MYDGF: variants seen among roughly 807,000 people sequenced by gnomAD.
The protein encoded by MYDGF is myeloid derived growth factor.
In MYDGF, 29 loss-of-function variants were observed where a neutral mutation model predicts 24.2. The ratio of observed to expected loss-of-function variants is 1.20; its 90% confidence interval spans 0.89 to 1.63. MYDGF has a LOEUF of 1.63. MYDGF is among the 40% of genes most tolerant of loss of function. The pLI is 0.00. For missense variants in MYDGF, 245 were observed against 234.8 expected, an observed-to-expected ratio of 1.04 and a Z score of -0.29; for synonymous variants, 105 against 102.5, an observed-to-expected ratio of 1.02 and a Z score of -0.15.
At chr19:4,663,030 C>T (rs1344603095) in intron 3 of MYDGF, among the ~76,000 whole-genome samples, 1 of 151,816 alleles carries the variant, frequency 6.6e-6, no homozygotes, top group Non-Finnish European at 1.5e-5. Flanking sequence ...TCCCCTCCCA[C>T]TCCGTCCTCA....
rs1291135735 is a variant in MYDGF at position 4,658,062 on chromosome 19, G to A, written c.465C>T (p.Phe155=). The change falls in exon 6 of 6, where the codon TTC becomes TTT. Residue 155 remains phenylalanine, a synonymous_variant. Transcript: ENST00000262947. Reference sequence around the variant, plus strand: ...TCACCAGCTTGGACAGCTCAGCTTTGAATGCCCCGGGCCTGTGAGCCACTG... The same window carrying A: ...TCACCAGCTTGGACAGCTCAGCTTTAAATGCCCCGGGCCTGTGAGCCACTG... ...KTAVAHRPGA[F]KAELSKLVIV... 1.9e-6 allele frequency: 3 copies of A among 1,611,360 alleles called. No individual in the cohort carries two copies. Among genetic ancestry groups the A allele is most frequent in the Non-Finnish European group, 2.5e-6 (3 of 1,179,270 alleles).
chr19:4,661,000 C>A (rs2088466451), intron 3 of MYDGF, among the ~76,000 whole-genome samples: 1 of 141,486 alleles, frequency 7.1e-6, no homozygotes, highest in African/African-American at 2.6e-5. Flanking sequence ...ACGAGTCTCA[C>A]TCTGTTGCCC....
intron 3 of MYDGF, among the ~76,000 whole-genome samples, chr19:4,663,973 T>C (rs928696309): frequency 2.0e-5 from 3 of 151,408 alleles, no homozygotes; most frequent in Non-Finnish European, 2.9e-5. Context: ...CAGGGAGCCC[T>C]CTGGAATAGG....
intron 2 of MYDGF, among the ~76,000 whole-genome samples, chr19:4,666,786 C>T (rs897924975): frequency 2.6e-5 from 4 of 152,036 alleles, no homozygotes; most frequent in African/African-American, 9.7e-5. Flanking sequence ...TCTAGGAGGC[C>T]GGGCACCGGT....
At position 4,664,866 on chromosome 19, in the gene MYDGF, C is replaced by T. The variant is rs371202568; in HGVS notation, c.287+10G>A. 190 of 1,611,898 alleles carry T rather than the reference C, an allele frequency of 1.2e-4. No individual in the cohort carries two copies. The African/African-American group carries it at 2.2e-3, about 18-fold the overall frequency. ...GCAGCCGGAAATGCCATCCCCACCCCGAGTCTCACCTCCAGATGGTGCAGG... is the reference window on the plus strand; with the variant it reads ...GCAGCCGGAAATGCCATCCCCACCCTGAGTCTCACCTCCAGATGGTGCAGG... On this transcript the variant is annotated intron_variant, in intron 3 of 5. Coordinates refer to ENST00000262947, the MANE Select transcript of MYDGF (RefSeq NM_019107.4).
chr19:4,662,627 G>A (rs907117253), intron 3 of MYDGF, among the ~76,000 whole-genome samples: 1 of 152,122 alleles, frequency 6.6e-6, no homozygotes, highest in African/African-American at 2.4e-5. Context: ...CCAGATGCAT[G>A]TGTGTTCGGG....
intron 5 of MYDGF, among the ~76,000 whole-genome samples, chr19:4,659,374 C>T (rs983705458): frequency 6.6e-6 from 1 of 152,092 alleles, no homozygotes; most frequent in Non-Finnish European, 1.5e-5. Flanking sequence ...CAGGTGCGCA[C>T]CACCACGCCT....
In MYDGF at chr19:4,659,706, T is replaced by C. The variant is rs991822023; in HGVS notation, c.442+225A>G. On this transcript the variant is annotated intron_variant, in intron 5 of 5. Transcript: ENST00000262947. ...ACACAGCCACACCCACGCATGGACA[T>C]ACTGTCTGCAGCAGCTTTGTGCCAC... 5.1e-6 allele frequency: 3 copies of C among 588,840 alleles called. No individual in the cohort carries two copies. The African/African-American group carries it at 5.6e-5, about 11-fold the overall frequency. The allele number at this position is 588,840 out of a possible 1,614,324, so 36.5% of individuals were successfully genotyped here. A position where few individuals can be genotyped will look rare whatever the true frequency, so the allele number is the denominator to read the frequency against.
In MYDGF at chr19:4,660,668, C is replaced by T. The variant is rs148566021; in HGVS notation, c.369+1G>A. On this transcript the variant is annotated splice_donor_variant, in intron 4 of 5. Coordinates refer to ENST00000262947, the MANE Select transcript of MYDGF (RefSeq NM_019107.4). LOFTEE classifies it high-confidence loss of function. ...AGCCTGCCCCACTCCAAGATACTCACGTAGGCCATGGCGTACTCAATCTCA... is the reference window on the plus strand; with the variant it reads ...AGCCTGCCCCACTCCAAGATACTCATGTAGGCCATGGCGTACTCAATCTCA... 21 of 1,613,630 alleles carry T rather than the reference C, an allele frequency of 1.3e-5. No homozygotes were observed. The highest frequency in any genetic ancestry group is 3.3e-4 in the Middle Eastern group (2 of 6,084).
Position 4,670,148 on chromosome 19 carries a change from C to A in MYDGF, c.174+13G>T, listed in dbSNP as rs1028464408. 2 of 1,508,854 alleles carry A rather than the reference C, an allele frequency of 1.3e-6. No individual in the cohort carries two copies. Among genetic ancestry groups the A allele is most frequent in the South Asian group, 2.5e-5 (2 of 80,412 alleles). The allele number at this position is 1,508,854 out of a possible 1,614,324, so 93.5% of individuals were successfully genotyped here. On this transcript the variant is annotated intron_variant, in intron 1 of 5. Coordinates refer to ENST00000262947, the MANE Select transcript of MYDGF (RefSeq NM_019107.4). ...GCCAGCACTCAAATATCCGGGACGG[C>A]GGTGGCACGTACCCCCGGGCCCACG...
rs549046335 is a variant in MYDGF, at chr19:4,664,595, C to T, written c.287+281G>A. ...CCTTCCTGGGCCCTGGTCCACGCTC[C>T]GCACCCTCTGAGCTGCTTCTCCTTT... On this transcript the variant is annotated intron_variant, in intron 3 of 5. Transcript: ENST00000262947. 1.1e-4 allele frequency among the ~76,000 whole-genome samples: 17 copies of T among 152,288 alleles called. No individual in the cohort carries two copies. In the South Asian group the frequency reaches 3.1e-3, roughly 28 times the overall value.
chr19:4,670,058 C>G (rs2088553197), intron 1 of MYDGF, 103 bp downstream of exon 1: 1 of 1,271,028 alleles, frequency 7.9e-7, no homozygotes. Context: ...TCAGTACCCA[C>G]CTCCGCGGTC....
intron 2 of MYDGF, among the ~76,000 whole-genome samples, chr19:4,667,864 A>AT (rs1051001150): frequency 3.3e-5 from 5 of 151,836 alleles, no homozygotes; most frequent in Non-Finnish European, 7.4e-5. Context: ...CGCTGGGCTA[A>AT]TTTTTTTATT....
intron 3 of MYDGF, among the ~76,000 whole-genome samples, chr19:4,662,227 C>T (rs1298012883): frequency 6.6e-6 from 1 of 152,214 alleles, no homozygotes; most frequent in Non-Finnish European, 1.5e-5. Context: ...TTAAACGTCG[C>T]CACTCCCTGA....
chr19:4,658,946 G>A (rs1403327683), intron 5 of MYDGF, among the ~76,000 whole-genome samples: 1 of 151,954 alleles, frequency 6.6e-6, no homozygotes, highest in Non-Finnish European at 1.5e-5. Flanking sequence ...GGGATTACAA[G>A]CATGTGCCAC....
At chr19:4,659,367 G>C (rs1457672492) in intron 5 of MYDGF, among the ~76,000 whole-genome samples, 2 of 152,018 alleles carry the variant, frequency 1.3e-5, no homozygotes, top group African/African-American at 4.8e-5. Context: ...GGGATTACAG[G>C]TGCGCACCAC....
chr19:4,664,153 C>T (rs1400815796), intron 3 of MYDGF, among the ~76,000 whole-genome samples: 3 of 151,900 alleles, frequency 2.0e-5, no homozygotes, highest in Non-Finnish European at 4.4e-5. Flanking sequence ...GAGGGGGATG[C>T]GTGGCTGCCA....
intron 5 of MYDGF, among the ~76,000 whole-genome samples, chr19:4,658,890 G>A (rs1264941576): frequency 6.7e-6 from 1 of 149,526 alleles, no homozygotes; most frequent in Non-Finnish European, 1.5e-5. Flanking sequence ...GCAACCTCCT[G>A]CTCCTAAGTT....
chr19:4,658,780 TATTTC>T (rs1243561926), intron 5 of MYDGF, among the ~76,000 whole-genome samples: 4 of 152,210 alleles, frequency 2.6e-5, no homozygotes, highest in South Asian at 2.1e-4. Context: ...TACTTTGTTT[TATTTC>T]ATTTATTTAT....
Sources: gnomAD v4.1 joint callset for allele counts (sites outside exome capture counted in the v4.1 genomes callset) on GRCh38, gnomAD v4.1.1 for gene constraint, MANE v1.5 for transcripts, NCBI Gene and HGNC (gene_info 2026-07-23, HGNC 2026-07-21) for gene names.